Variants in ACSM3 observed in about 807,000 individuals in gnomAD.
ACSM3 encodes acyl-coenzyme A synthetase ACSM3, mitochondrial.
A neutral mutation model predicts 74.1 loss-of-function variants in ACSM3; 61 were observed. The ratio of observed to expected loss-of-function variants is 0.82; its 90% CI spans 0.67 to 1.02. The LOEUF (loss-of-function observed/expected upper bound fraction) is 1.02. Among genes scored for constraint, ACSM3 ranks in the 50% least tolerant of loss-of-function variants. The probability of loss-of-function intolerance (pLI) is 0.00; values close to 1 mark genes in which losing one functional copy is unlikely to be tolerated. For missense variants in ACSM3, 660 were observed against 697.0 expected (o/e 0.95, Z 0.60); for synonymous variants, 213 against 241.5 (o/e 0.88, Z 1.09).
At chr16:20,773,422 C>T (rs986644075) in intron 2 of ACSM3, among the ~76,000 whole-genome samples, 6 of 151,968 alleles carry the variant, frequency 3.9e-5, no homozygotes, top group Non-Finnish European at 8.8e-5. Flanking sequence ...TCTTGCTTTT[C>T]TGGTTCCTTG....
At chr16:20,717,377 A>G (rs1001391642) in intron 1 of ACSM3, among the ~76,000 whole-genome samples, 1 of 152,366 alleles carries the variant, frequency 6.6e-6, no homozygotes, top group South Asian at 2.1e-4. Context: ...TACCGGAAGC[A>G]CTTGATTGCC....
chr16:20,713,949 C>T (rs2079752482), intron 1 of ACSM3, among the ~76,000 whole-genome samples: 1 of 152,158 alleles, frequency 6.6e-6, no homozygotes, highest in South Asian at 2.1e-4. Flanking sequence ...TAATTTTACA[C>T]TGTTAGAGTT....
At chr16:20,734,759 C>T (rs2079854987) in intron 1 of ACSM3, 1 of 152,198 alleles carries the variant, frequency 6.6e-6, no homozygotes, top group Admixed American at 6.5e-5. Context: ...CCCTAAACCC[C>T]TGCAGAGAAC....
At chr16:20,731,976 T>C (rs2079833241) in intron 1 of ACSM3, among the ~76,000 whole-genome samples, 1 of 152,168 alleles carries the variant, frequency 6.6e-6, no homozygotes, top group African/African-American at 2.4e-5. Flanking sequence ...TAGAAATAAT[T>C]TGTCCCATTC....
chr16:20,685,854 CT>C (rs2079545562), intron 1 of ACSM3, among the ~76,000 whole-genome samples: 1 of 94,798 alleles, frequency 1.1e-5, no homozygotes, highest in Non-Finnish European at 2.7e-5. Context: ...AAACAAAAAA[CT>C]TATAGCATCA....
rs114105623 is a variant in ACSM3, at chr16:20,713,386, C to T, written c.-189-36524C>T. ...AATATACATCTCCATTAGTAAAATA[C>T]TTTTTAACATACCCCCCCATACATG... is the stretch of plus-strand genomic sequence containing the variant. On this transcript the variant is annotated intron_variant, in intron 1 of 3. Transcript: ENST00000561584. 6.6e-3 allele frequency among the ~76,000 whole-genome samples: 999 copies of T among 152,104 alleles called. 17 individuals are homozygous for T. The highest frequency in any genetic ancestry group is 0.023 in the African/African-American group (940 of 41,510).
chr16:20,687,210 G>A (rs2079569964), intron 1 of ACSM3, among the ~76,000 whole-genome samples: 2 of 152,100 alleles, frequency 1.3e-5, no homozygotes, highest in African/African-American at 2.4e-5. Context: ...GATGTTGGGG[G>A]TCTCTGAAAG....
intron 8 of ACSM3, among the ~76,000 whole-genome samples, chr16:20,785,682 T>C (rs1452205024): frequency 6.6e-6 from 1 of 152,136 alleles, no homozygotes; most frequent in East Asian, 1.9e-4. Flanking sequence ...AAGGGAAAAG[T>C]TGAAAAAACT....
chr16:20,694,403 C>T (rs1451711789), intron 1 of ACSM3, among the ~76,000 whole-genome samples: 12 of 152,178 alleles, frequency 7.9e-5, no homozygotes, highest in African/African-American at 2.2e-4. Flanking sequence ...TATTTCTTTA[C>T]GGCACCAAGG....
At chr16:20,753,198 C>T (rs1306515816) in intron 2 of ACSM3, among the ~76,000 whole-genome samples, 2 of 151,386 alleles carry the variant, frequency 1.3e-5, no homozygotes, top group African/African-American at 4.8e-5. Context: ...GGTGGGGTGG[C>T]TCATACCTGT....
At position 20,775,975 on chromosome 16, in the gene ACSM3, G is replaced by T. The variant is rs1200717449; in HGVS notation, c.356G>T (p.Arg119Ile). ...CTTTCAGAAGCCTGTTCCCTACAAA[G>T]AGGAGATCGGGTAATTCTGATTCTG... ...NILSEACSLQ[R>I]GDRVILILPR... The change falls in exon 3 of 14, where the codon AGA (arginine) becomes ATA (isoleucine). Residue 119 changes from arginine (R) to isoleucine (I), a missense_variant. Arg to Ile is a moderately conservative substitution (Grantham distance 97, BLOSUM62 -3). Transcript: ENST00000289416. 4.3e-6 allele frequency: 7 copies of T among 1,614,214 alleles called. No individual in the cohort carries two copies. Among genetic ancestry groups the T allele is most frequent in the Non-Finnish European group, 5.9e-6 (7 of 1,180,040 alleles).
At chr16:20,741,449 C>T (rs951771419) in intron 1 of ACSM3, 5 of 1,472,646 alleles carry the variant, frequency 3.4e-6, no homozygotes, top group Non-Finnish European at 9.0e-7. Context: ...CATCCCTCCA[C>T]CCTTCCCTCC....
chr16:20,718,679 G>C (rs1313426123), intron 1 of ACSM3, among the ~76,000 whole-genome samples: 1 of 152,142 alleles, frequency 6.6e-6, no homozygotes, highest in Non-Finnish European at 1.5e-5. Context: ...AGCTGATCAA[G>C]CAAGAACTTA....
chr16:20,777,226 A>G, intron 3 of ACSM3, 147 bp from the exon 4 acceptor site: 1 of 739,676 alleles, frequency 1.4e-6, no homozygotes, highest in South Asian at 2.2e-5. Flanking sequence ...AAAAGCAGAT[A>G]AGTGAAAGCA....
intron 1 of ACSM3, chr16:20,734,223 G>C (rs1478402484): frequency 6.6e-6 from 1 of 152,602 alleles, no homozygotes; most frequent in African/African-American, 2.4e-5. Flanking sequence ...ATGCTCTGTA[G>C]GCATATGGCC....
chr16:20,720,369 C>T (rs111263326), intron 1 of ACSM3, among the ~76,000 whole-genome samples: 2,109 of 152,260 alleles, frequency 0.014, 47 homozygotes, highest in African/African-American at 0.048. Flanking sequence ...TCATAAGGAG[C>T]CTGCAACCTA....
intron 1 of ACSM3, chr16:20,736,280 A>G (rs921340249): frequency 4.0e-5 from 6 of 151,892 alleles, no homozygotes; most frequent in African/African-American, 1.5e-4. Context: ...CTTTTCAGAA[A>G]TGTCTGTAGT....
intron 1 of ACSM3, chr16:20,679,067 C>A (rs1596936365): frequency 6.6e-6 from 1 of 152,216 alleles, no homozygotes; most frequent in Non-Finnish European, 1.5e-5. Flanking sequence ...TAAGGATTTT[C>A]TTTAAGTTAA....
intron 1 of ACSM3, among the ~76,000 whole-genome samples, chr16:20,692,949 T>A (rs2079668245): frequency 6.6e-6 from 1 of 151,994 alleles, no homozygotes; most frequent in Admixed American, 6.6e-5. Context: ...GGCAGGTGGA[T>A]CATGAGGTCA....
Sources: allele counts gnomAD v4.1 joint callset (sites outside exome capture counted in the v4.1 genomes callset), GRCh38; gene constraint gnomAD v4.1.1; transcripts MANE v1.5; gene names NCBI Gene and HGNC (gene_info 2026-07-23, HGNC 2026-07-21).